Variants in CENPF observed in about 807,000 individuals in gnomAD.
CENPF encodes centromere protein F, also known as AH antigen.
A neutral mutation model predicts 307.3 loss-of-function variants in CENPF; 214 were observed. The ratio of observed to expected loss-of-function variants is 0.70; its 90% CI spans 0.62 to 0.78. The LOEUF (loss-of-function observed/expected upper bound fraction) is 0.78. Among genes scored for constraint, CENPF ranks in the 30% least tolerant of loss-of-function variants. The pLI is 0.00. For synonymous variants in CENPF, 1,259 were observed against 1,270.6 expected (o/e 0.99, Z 0.19); for missense variants, 3,401 against 3,483.9 (o/e 0.98, Z 0.60).
chr1:214,640,186 A>G lies in CENPF; in HGVS notation c.1848A>G (p.Lys616=), dbSNP rs777231380. 6.9e-6 allele frequency: 11 copies of G among 1,594,750 alleles called. No homozygotes were observed. The highest frequency in any genetic ancestry group is 3.4e-4 in the Middle Eastern group (2 of 5,938). The change falls in exon 12 of 20, where the codon AAA becomes AAG. Residue 616 remains lysine, a synonymous_variant. Coordinates refer to ENST00000366955, the MANE Select transcript of CENPF (RefSeq NM_016343.4). The part of the protein sequence containing the change: ...KKEYEELKEE[K]TLFSCWKSEN... ...AATATGAAGAATTGAAAGAAGAGAAAACTCTGTTTTCTTGTTGGAAAAGTG... is the reference window on the plus strand; with the variant it reads ...AATATGAAGAATTGAAAGAAGAGAAGACTCTGTTTTCTTGTTGGAAAAGTG...
rs754858512 is a variant in CENPF at position 214,646,205 on chromosome 1, AAG to A, written c.6637_6638del (p.Glu2213LysfsTer24). ...GACCTTGTCACGTTAAGGTCTGAAA[AAG>A]AAAATCTGACAAAACAAATACAAGA... On this transcript the variant is annotated frameshift_variant, in exon 13 of 20. Transcript: ENST00000366955. LOFTEE classifies it high-confidence loss of function. 3.1e-6 allele frequency: 5 copies of A among 1,613,310 alleles called. No homozygotes were observed. The highest frequency in any genetic ancestry group is 4.2e-6 in the Non-Finnish European group (5 of 1,179,864).
rs955463185 is a variant in CENPF, at chr1:214,632,418, A to G, written c.1324-62A>G. 2.8e-5 allele frequency: 44 copies of G among 1,555,888 alleles called. No homozygotes were observed. In the African/African-American group the frequency reaches 5.6e-4, roughly 20 times the overall value. ...CATGACCATTTTATTGTTTAAGAAT[A>G]CATGATTAATGAAAAAGTAAAGAAC... On this transcript the variant is annotated intron_variant, in intron 9 of 19. Coordinates refer to ENST00000366955, the MANE Select transcript of CENPF (RefSeq NM_016343.4).
intron 5 of CENPF, 29 bp downstream of exon 5, chr1:214,619,249 G>A (rs781065445): frequency 9.6e-7 from 1 of 1,041,868 alleles, no homozygotes; most frequent in Admixed American, 2.1e-5. Context: ...CTATAATAGA[G>A]TATGCAGTTA....
chr1:214,620,969 T>C, intron 6 of CENPF, 23 bp downstream of exon 6: 1 of 1,569,206 alleles, frequency 6.4e-7, no homozygotes, highest in Non-Finnish European at 8.6e-7. Context: ...TAAGTTAAGT[T>C]TAAATTCACT....
At chr1:214,607,260 G>A (rs1236876423) in intron 1 of CENPF, among the ~76,000 whole-genome samples, 2 of 152,220 alleles carry the variant, frequency 1.3e-5, no homozygotes, top group Non-Finnish European at 2.9e-5. Flanking sequence ...GAGGCCCTGG[G>A]CATGCTCTGG....
chr1:214,626,236 A>C (rs1490394118), intron 7 of CENPF, among the ~76,000 whole-genome samples: 1 of 152,108 alleles, frequency 6.6e-6, no homozygotes, highest in East Asian at 1.9e-4. Flanking sequence ...CTGTGTTGAC[A>C]GTCCTTTTTT....
intron 14 of CENPF, among the ~76,000 whole-genome samples, chr1:214,650,497 A>G (rs1442807749): frequency 6.6e-6 from 1 of 152,156 alleles, no homozygotes; most frequent in Non-Finnish European, 1.5e-5. Flanking sequence ...TCTAGCACAC[A>G]AGGTGAGATG....
In CENPF at chr1:214,646,777, A is replaced by G; in HGVS notation, c.7207A>G (p.Lys2403Glu). 6.2e-7 allele frequency: 1 copy of G among 1,612,650 alleles called. No homozygotes were observed. Among genetic ancestry groups the G allele is most frequent in the Non-Finnish European group, 8.5e-7 (1 of 1,179,308 alleles). ...AGAAAATCTGACAAATGAATTACAA[A>G]AAGAGCAAGAGCGAATATCTGAATT... ...EKENLTNELQ[K>E]EQERISELEI... The change falls in exon 13 of 20, where the codon AAA (lysine) becomes GAA (glutamate). Residue 2403 changes from lysine to glutamate, a missense_variant. By Grantham distance (56) the Lys-to-Glu change is moderately conservative (BLOSUM62 1). Transcript: ENST00000366955.
chr1:214,624,808 G>C (rs1297099279), intron 7 of CENPF, among the ~76,000 whole-genome samples: 1 of 152,062 alleles, frequency 6.6e-6, no homozygotes, highest in East Asian at 1.9e-4. Context: ...GTTGGTTGAT[G>C]ATGTTGTTGA....
intron 13 of CENPF, chr1:214,647,898 G>A (rs1658356547): frequency 9.4e-6 from 4 of 426,332 alleles, no homozygotes; most frequent in East Asian, 1.2e-4. Context: ...CTTCTAGGGT[G>A]TGTTTTGGGG....
Position 214,652,962 on chromosome 1 carries a change from G to A in CENPF, c.8295G>A (p.Gln2765=). 6.2e-7 allele frequency: 1 copy of A among 1,604,864 alleles called. No individual in the cohort carries two copies. Among genetic ancestry groups the A allele is most frequent in the South Asian group, 1.1e-5 (1 of 88,474 alleles). The change falls in exon 16 of 20, where the codon CAG becomes CAA. Residue 2765 remains glutamine, a synonymous_variant. Coordinates refer to ENST00000366955, the MANE Select transcript of CENPF (RefSeq NM_016343.4). ...ELNNSLKATT[Q]ILEELKKTKM... is the part of the protein sequence containing the mutation. ...ATAATTCATTGAAAGCTACTACTCA[G>A]ATTTTGGAAGAATTGAAGAAAACCA...
intron 1 of CENPF, among the ~76,000 whole-genome samples, chr1:214,611,054 C>G (rs1657186579): frequency 6.6e-6 from 1 of 152,100 alleles, no homozygotes; most frequent in South Asian, 2.1e-4. Flanking sequence ...TGATTTTGTA[C>G]TAGTACCATG....
chr1:214,608,771 C>T, intron 1 of CENPF: 1 of 1,600,774 alleles, frequency 6.2e-7, no homozygotes, highest in Non-Finnish European at 8.5e-7. Context: ...GCGAGCTTGG[C>T]AGCGATGCGG....
In CENPF at chr1:214,643,199, GAGTCCA is replaced by G; in HGVS notation, c.4865_4870del (p.Ser1622_Lys1623del). ...GCTGACAAGCGTGACTCTGGAGATG[GAGTCCA>G]AGTTGGCGGCAGAAAAGAAACAGAC... is the stretch of plus-strand genomic sequence containing the variant. On this transcript the variant is annotated inframe_deletion, in exon 12 of 20. Transcript: ENST00000366955. 1 of 1,604,582 alleles carries G rather than the reference GAGTCCA, an allele frequency of 6.2e-7. No homozygotes were observed. The highest frequency in any genetic ancestry group is 1.1e-5 in the South Asian group (1 of 89,538).
intron 10 of CENPF, among the ~76,000 whole-genome samples, chr1:214,636,932 A>G (rs1657980604): frequency 6.6e-6 from 1 of 152,174 alleles, no homozygotes; most frequent in South Asian, 2.1e-4. Context: ...ATAGGTTGAG[A>G]TACTTGTTTG....
At chr1:214,643,736 T>C (rs1437745343) in intron 12 of CENPF, among the ~76,000 whole-genome samples, 1 of 152,242 alleles carries the variant, frequency 6.6e-6, no homozygotes, top group South Asian at 2.1e-4. Context: ...TTTGATGTTA[T>C]GGCATTATCG....
At chr1:214,651,627 C>A in intron 14 of CENPF, 83 bp from the exon 15 acceptor site, 1 of 1,014,366 alleles carries the variant, frequency 9.9e-7, no homozygotes, top group Non-Finnish European at 1.4e-6. Flanking sequence ...TTTTTCTACA[C>A]AGTACACATT....
rs1260181012 is a variant in CENPF at position 214,658,445 on chromosome 1, T to C, written c.8963-405T>C. Among the ~76,000 whole-genome samples, 7 of 152,106 alleles carry C rather than the reference T, an allele frequency of 4.6e-5. No homozygotes were observed. The East Asian group carries it at 1.2e-3, about 25-fold the overall frequency. On this transcript the variant is annotated intron_variant, in intron 18 of 19. Transcript: ENST00000366955. The stretch of plus-strand genomic sequence containing the variant: ...ATTTTACATTTCCCCCCTTTCCCTT[T>C]CTTTTTTTTTTTATCTTTTATTTTT...
At position 214,657,565 on chromosome 1, in the gene CENPF, A is replaced by G. The variant is rs417844; in HGVS notation, c.8962+156A>G. On this transcript the variant is annotated intron_variant, in intron 18 of 19. Transcript: ENST00000366955. ...TAGTCTGCTTTTAAATGGATGAGGC[A>G]TATGTTTTCCTCTAGGATCTAATTA... is the stretch of plus-strand genomic sequence containing the variant. 0.53 allele frequency among the ~76,000 whole-genome samples: 80,504 copies of G among 152,122 alleles called. 22,019 individuals are homozygous for G. The highest frequency in any genetic ancestry group is 0.88 in the East Asian group (4,546 of 5,178).
Sources: gnomAD v4.1 joint callset for allele counts (sites outside exome capture counted in the v4.1 genomes callset) on GRCh38, gnomAD v4.1.1 for gene constraint, MANE v1.5 for transcripts, NCBI Gene and HGNC (gene_info 2026-07-23, HGNC 2026-07-21) for gene names.